BBS2: variants seen among roughly 807,000 people sequenced by gnomAD.
BBS2 encodes the protein BBSome complex member BBS2.
Under a neutral mutation model 83.0 loss-of-function variants are expected in BBS2, and 62 were observed. That is an observed-to-expected ratio of 0.75 (90% CI 0.61 to 0.92). The LOEUF (loss-of-function observed/expected upper bound fraction) is 0.92. Ranked by LOEUF, BBS2 falls within the 40% of genes least tolerant of loss-of-function variation. The pLI, the probability that BBS2 is intolerant of heterozygous loss-of-function variation, is 0.00. For synonymous variants in BBS2, 303 were observed against 326.1 expected (o/e 0.93, Z 0.76); for missense variants, 784 against 901.0 (o/e 0.87, Z 1.66).
At chr16:56,489,405 A>G (rs1963875541) in intron 15 of BBS2, among the ~76,000 whole-genome samples, 1 of 152,138 alleles carries the variant, frequency 6.6e-6, no homozygotes, top group African/African-American at 2.4e-5. Flanking sequence ...CCAATGGAAT[A>G]GTACAGAAAA....
intron 1 of BBS2, among the ~76,000 whole-genome samples, chr16:56,515,020 C>T (rs1411197167): frequency 6.6e-6 from 1 of 152,178 alleles, no homozygotes; most frequent in East Asian, 1.9e-4. Flanking sequence ...AAGCTGCTAC[C>T]ACCTTCAATG....
chr16:56,492,290 G>T (rs1963977611), intron 15 of BBS2, among the ~76,000 whole-genome samples: 1 of 152,054 alleles, frequency 6.6e-6, no homozygotes, highest in Admixed American at 6.6e-5. Context: ...AATGGATAAA[G>T]AAAATTTAGT....
Position 56,486,962 on chromosome 16 carries a change from C to G in BBS2, c.1911-1224G>C, listed in dbSNP as rs145283635. Among the ~76,000 whole-genome samples, 602 of 151,964 alleles carry G rather than the reference C, an allele frequency of 4.0e-3. 4 individuals are homozygous for G. The highest frequency in any genetic ancestry group is 0.014 in the African/African-American group (567 of 41,464). On this transcript the variant is annotated intron_variant, in intron 15 of 16. Transcript: ENST00000245157. ...TAGTTTTAGTAGAGACTGGGTTTCA[C>G]CATGTTGGCCAGGCTGGTCTCGAAC...
Position 56,502,721 on chromosome 16 carries a change from G to A in BBS2, c.892C>T (p.Arg298Trp), listed in dbSNP as rs564480063. 89 of 1,613,962 alleles carry A rather than the reference G, an allele frequency of 5.5e-5. 1 individual carries two copies. In the South Asian group the frequency reaches 5.8e-4, roughly 11 times the overall value. The change falls in exon 8 of 17, where the codon CGG becomes TGG. Residue 298 changes from arginine to tryptophan, a missense_variant. Arg to Trp is a moderately radical substitution (Grantham distance 101). Transcript: ENST00000245157. ...ATTAACTGTATGTGGCCATCCATCC[G>A]GTAATCTCCCTCTACCACACCGGCA... Reference protein sequence around the residue: ...AIAGVVEGDYRMDGHIQLICC... With the variant: ...AIAGVVEGDYWMDGHIQLICC...
At chr16:56,497,662 G>A in intron 14 of BBS2, 81 bp downstream of exon 14, 1 of 1,570,908 alleles carries the variant, frequency 6.4e-7, no homozygotes, top group South Asian at 1.1e-5. Flanking sequence ...TATAACATAA[G>A]TACATTTGTA....
At chr16:56,501,570 C>T (rs958863826) in intron 9 of BBS2, 73 bp from the exon 10 acceptor site, 3 of 1,574,874 alleles carry the variant, frequency 1.9e-6, no homozygotes, top group Non-Finnish European at 2.6e-6. Flanking sequence ...AATAATATTG[C>T]TATTCAGCTT....
At chr16:56,497,236 A>G in intron 14 of BBS2, 157 bp from the exon 15 acceptor site, 1 of 682,590 alleles carries the variant, frequency 1.5e-6, no homozygotes, top group African/African-American at 1.8e-5. Flanking sequence ...CTCTGTCTCA[A>G]CAAGTTAACT....
intron 15 of BBS2, among the ~76,000 whole-genome samples, chr16:56,490,549 G>A (rs1963920932): frequency 6.6e-6 from 1 of 151,602 alleles, no homozygotes; most frequent in Non-Finnish European, 1.5e-5. Flanking sequence ...GCTGAGGCAG[G>A]AGAATCACTT....
intron 1 of BBS2, among the ~76,000 whole-genome samples, chr16:56,517,971 C>A (rs1224152890): frequency 6.6e-6 from 1 of 152,062 alleles, no homozygotes; most frequent in East Asian, 1.9e-4. Flanking sequence ...AGGCACCTAC[C>A]ACACCTGGCT....
At position 56,505,273 on chromosome 16, in the gene BBS2, G is replaced by GT. The variant is rs545856313; in HGVS notation, c.804+676dup. ...CAGCTTTTTAGAATCCGTTCTTCAC[G>GT]TAACACCAAAGGAATGCTTACAAGG... On this transcript the variant is annotated intron_variant, in intron 7 of 16. Coordinates refer to ENST00000245157, the MANE Select transcript of BBS2 (RefSeq NM_031885.5). Among the ~76,000 whole-genome samples the GT allele has an allele frequency of 4.9e-4, 74 of 152,276 alleles. 2 individuals are homozygous for GT. The South Asian group carries it at 0.015, about 30-fold the overall frequency.
intron 17 of BBS2, chr16:56,477,091 T>TGCAC (rs1400344676): frequency 6.6e-6 from 1 of 151,772 alleles, no homozygotes; most frequent in Non-Finnish European, 1.5e-5. Flanking sequence ...ATTGTGCCAC[T>TGCAC]GCACTCCAGC....
rs1597033487 is a variant in BBS2 at position 56,519,973 on chromosome 16, G to T, written c.-111C>A. On this transcript the variant is annotated 5_prime_UTR_variant, in exon 1 of 17. Coordinates refer to ENST00000245157, the MANE Select transcript of BBS2 (RefSeq NM_031885.5). ...GGACACTACCTGCGCGGCCCCAGCC[G>T]CCTCAGGCCGGACGCGAAACAGCCC... 4 of 946,732 alleles carry T rather than the reference G, an allele frequency of 4.2e-6. No individual in the cohort carries two copies. The highest frequency in any genetic ancestry group is 3.3e-5 in the African/African-American group (2 of 61,324). 58.6% of individuals were successfully genotyped at this position (946,732 alleles called of 1,614,324 possible).
At chr16:56,472,934 G>GGTTTA (rs1418449672) in intron 17 of BBS2, among the ~76,000 whole-genome samples, 2 of 151,906 alleles carry the variant, frequency 1.3e-5, no homozygotes, top group Non-Finnish European at 2.9e-5. Flanking sequence ...GTTTTGGTTT[G>GGTTTA]GTTTGGTTTG....
chr16:56,499,930 A>G, intron 11 of BBS2, 23 bp from the exon 12 acceptor site: 1 of 1,613,620 alleles, frequency 6.2e-7, no homozygotes. Flanking sequence ...AATGAAACAC[A>G]AGAGAATTGT....
At chr16:56,499,730 A>G (rs1053777131) in intron 12 of BBS2, 48 bp downstream of exon 12, 1 of 1,611,822 alleles carries the variant, frequency 6.2e-7, no homozygotes, top group Non-Finnish European at 8.5e-7. Context: ...TAACATCTAA[A>G]GGATTCTACT....
At chr16:56,519,538 G>A in intron 1 of BBS2, 1 of 572,570 alleles carries the variant, frequency 1.7e-6, no homozygotes, top group Non-Finnish European at 3.1e-6. Flanking sequence ...AGTGCCTGAT[G>A]ACAAGAAAAC....
intron 12 of BBS2, chr16:56,499,384 C>A: frequency 6.8e-6 from 2 of 292,190 alleles, no homozygotes; most frequent in East Asian, 9.2e-5. Flanking sequence ...GGGACTTCCC[C>A]AAGATCACTA....
In BBS2 at chr16:56,511,254, C is replaced by T; in HGVS notation, c.376G>A (p.Gly126Arg). Residue 126 changes from glycine to arginine, a missense_variant, in exon 3 of 17, where the codon GGG becomes AGG. Gly to Arg is a moderately radical substitution (Grantham distance 125, BLOSUM62 -2). Transcript: ENST00000245157. ...VADGANAIVLGTLGDISSPLA... is the reference protein window; with the variant it reads ...VADGANAIVLRTLGDISSPLA... ...GGGGAAGAAATGTCTCCCAATGTCC[C>T]CAGCACAATTGCATTTGCCCCATCT... is the stretch of plus-strand genomic sequence containing the variant. The T allele has an allele frequency of 6.2e-7, 1 of 1,614,054 alleles. No individual in the cohort carries two copies. The highest frequency in any genetic ancestry group is 8.5e-7 in the Non-Finnish European group (1 of 1,179,992).
intron 17 of BBS2, chr16:56,475,002 T>G (rs780414624): frequency 6.3e-7 from 1 of 1,590,032 alleles, no homozygotes; most frequent in South Asian, 1.1e-5. Context: ...AGGGGCAGTC[T>G]CTTCTGAGGG....
Sources: gnomAD v4.1 joint callset for allele counts (sites outside exome capture counted in the v4.1 genomes callset) on GRCh38, gnomAD v4.1.1 for gene constraint, MANE v1.5 for transcripts, NCBI Gene and HGNC (gene_info 2026-07-23, HGNC 2026-07-21) for gene names.